The following GDPD4 variants were observed in gnomAD, a reference collection of about 807,000 sequenced individuals.
GDPD4 encodes the protein glycerophosphodiester phosphodiesterase domain containing 4.
Under a neutral mutation model 67.8 loss-of-function variants are expected in GDPD4, and 60 were observed. The observed-to-expected ratio is 0.88, with a 90% confidence interval of 0.72 to 1.10. GDPD4 has a LOEUF of 1.10. GDPD4 is among the 50% of genes least tolerant of loss of function. The pLI is 0.00. For synonymous variants in GDPD4, 212 were observed against 210.9 expected (o/e 1.00, Z -0.04); for missense variants, 623 against 613.9 (o/e 1.01, Z -0.16).
At chr11:77,236,983 T>G (rs1310964221) in intron 13 of GDPD4, among the ~76,000 whole-genome samples, 1 of 152,200 alleles carries the variant, frequency 6.6e-6, no homozygotes, top group Non-Finnish European at 1.5e-5. Context: ...TAGCCTTATA[T>G]GTAATGTTCT....
At chr11:77,267,196 G>A (rs1048872102) in intron 10 of GDPD4, among the ~76,000 whole-genome samples, 6 of 152,206 alleles carry the variant, frequency 3.9e-5, no homozygotes, top group African/African-American at 1.4e-4. Flanking sequence ...GTAACATGCT[G>A]TACAGGCTTG....
intron 10 of GDPD4, among the ~76,000 whole-genome samples, chr11:77,263,432 C>T (rs536442436): frequency 1.5e-4 from 22 of 150,936 alleles, no homozygotes; most frequent in Non-Finnish European, 2.7e-4. Context: ...TCTAGCACAA[C>T]GACTGAAAAA....
At chr11:77,270,978 G>A in intron 7 of GDPD4, 152 bp downstream of exon 7, 1 of 608,972 alleles carries the variant, frequency 1.6e-6, no homozygotes, top group Non-Finnish European at 2.9e-6. Flanking sequence ...GGTAGTGAGT[G>A]AAAGCACAGG....
Position 77,268,919 on chromosome 11 carries a change from C to T in GDPD4, c.624+5G>A, listed in dbSNP as rs1416555094. On this transcript the variant is annotated splice_donor_5th_base_variant and intron_variant, in intron 9 of 16. Coordinates refer to ENST00000315938, the MANE Select transcript of GDPD4 (RefSeq NM_182833.3). ...TTCACCCATGTTCATCATGCTCAGA[C>T]CTACCATGGGTGCACCTCTATGTCC... 1 of 1,613,504 alleles carries T rather than the reference C, an allele frequency of 6.2e-7. No homozygotes were observed. The highest frequency in any genetic ancestry group is 8.5e-7 in the Non-Finnish European group (1 of 1,179,720).
At chr11:77,242,932 A>G (rs1958699728) in intron 13 of GDPD4, among the ~76,000 whole-genome samples, 1 of 69,396 alleles carries the variant, frequency 1.4e-5, no homozygotes, top group Non-Finnish European at 4.4e-5. Flanking sequence ...ATTATCTATA[A>G]TCTATTATAG....
chr11:77,285,880 G>A (rs1959973363), intron 2 of GDPD4, among the ~76,000 whole-genome samples: 1 of 152,162 alleles, frequency 6.6e-6, no homozygotes. Flanking sequence ...TCATTATGGA[G>A]AAGGTACTGC....
intron 16 of GDPD4, among the ~76,000 whole-genome samples, chr11:77,221,593 GAGAC>G (rs1958225108): frequency 6.6e-6 from 1 of 152,204 alleles, no homozygotes; most frequent in Admixed American, 6.5e-5. Flanking sequence ...TGTGGTCTGA[GAGAC>G]AGTTTGTTGT....
intron 1 of GDPD4, among the ~76,000 whole-genome samples, chr11:77,294,019 A>G (rs1324950707): frequency 6.6e-6 from 1 of 152,232 alleles, no homozygotes; most frequent in Non-Finnish European, 1.5e-5. Flanking sequence ...AAAACTTAGA[A>G]TTAATAAGTG....
At chr11:77,293,944 A>G (rs1201149350) in intron 1 of GDPD4, among the ~76,000 whole-genome samples, 2 of 148,316 alleles carry the variant, frequency 1.3e-5, no homozygotes, top group Non-Finnish European at 3.0e-5. Flanking sequence ...AAAAGGCATA[A>G]AGAATAGAAA....
At chr11:77,257,371 TCTGA>T (rs564471916) in intron 11 of GDPD4, among the ~76,000 whole-genome samples, 10 of 152,274 alleles carry the variant, frequency 6.6e-5, no homozygotes, top group Admixed American at 2.0e-4. Flanking sequence ...CAAATGCAAT[TCTGA>T]CTTTTTACCC....
chr11:77,233,196 G>GTTTT, intron 13 of GDPD4, 24 bp from the exon 14 acceptor site: 1 of 1,607,754 alleles, frequency 6.2e-7, no homozygotes, highest in Non-Finnish European at 8.5e-7. Context: ...AGAACCCACA[G>GTTTT]GGGATTTAGA....
chr11:77,226,159 A>G (rs1476797071), intron 16 of GDPD4, among the ~76,000 whole-genome samples: 2 of 152,150 alleles, frequency 1.3e-5, no homozygotes, highest in African/African-American at 4.8e-5. Context: ...ATCTAGGTTT[A>G]TATAGTTCTT....
intron 14 of GDPD4, among the ~76,000 whole-genome samples, chr11:77,232,585 G>T (rs1185872019): frequency 6.6e-6 from 1 of 152,186 alleles, no homozygotes. Context: ...TTGGAGTCAA[G>T]TACGCTTGGT....
chr11:77,245,142 CA>C, intron 12 of GDPD4, 138 bp downstream of exon 12: 1 of 656,750 alleles, frequency 1.5e-6, no homozygotes, highest in Non-Finnish European at 2.7e-6. Context: ...GTATAAGTAA[CA>C]ATCTTCATTT....
At chr11:77,290,036 C>T (rs930481366) in intron 1 of GDPD4, among the ~76,000 whole-genome samples, 17 of 152,076 alleles carry the variant, frequency 1.1e-4, no homozygotes, top group Admixed American at 8.5e-4. Context: ...GTTCAGACAT[C>T]CAGATAGTGG....
intron 12 of GDPD4, 133 bp downstream of exon 12, chr11:77,245,148 T>G (rs1169440945): frequency 1.5e-6 from 1 of 672,876 alleles, no homozygotes; most frequent in Non-Finnish European, 2.6e-6. Flanking sequence ...GTAACAATCT[T>G]CATTTCCATA....
chr11:77,254,584 A>G (rs1378829288), intron 11 of GDPD4, among the ~76,000 whole-genome samples: 1 of 152,118 alleles, frequency 6.6e-6, no homozygotes, highest in East Asian at 1.9e-4. Context: ...CATTAATGTG[A>G]TAAATAAAAC....
chr11:77,219,936 TTGTC>T (rs956342062), intron 16 of GDPD4, among the ~76,000 whole-genome samples: 34 of 152,194 alleles, frequency 2.2e-4, no homozygotes, highest in African/African-American at 3.9e-4. Flanking sequence ...ATTTGGCTGT[TTGTC>T]TGTTATTGGT....
intron 3 of GDPD4, 82 bp downstream of exon 3, chr11:77,285,003 C>G (rs1409750483): frequency 9.8e-7 from 1 of 1,017,014 alleles, no homozygotes; most frequent in African/African-American, 1.6e-5. Context: ...ATCACCGGAT[C>G]TTTTCAGCCT....
Sources: gnomAD v4.1 joint callset for allele counts (sites outside exome capture counted in the v4.1 genomes callset) on GRCh38, gnomAD v4.1.1 for gene constraint, MANE v1.5 for transcripts, NCBI Gene and HGNC (gene_info 2026-07-23, HGNC 2026-07-21) for gene names.